The following TBX15 variants were observed in gnomAD, a reference collection of about 807,000 sequenced individuals.
TBX15 encodes the protein T-box transcription factor TBX15.
TBX15 carries 18 observed loss-of-function variants against 53.9 expected under a neutral mutation model. That is an observed-to-expected ratio of 0.33 (90% CI 0.23 to 0.49). The LOEUF is 0.49. TBX15 is among the 20% of genes least tolerant of loss of function. The probability of loss-of-function intolerance (pLI) is 0.98; values close to 1 mark genes in which losing one functional copy is unlikely to be tolerated. For missense variants in TBX15, 692 were observed against 749.5 expected, an observed-to-expected ratio of 0.92 and a Z score of 0.90; for synonymous variants, 295 against 278.0, an observed-to-expected ratio of 1.06 and a Z score of -0.61.
In TBX15 at chr1:118,898,964, C is replaced by A. The variant is rs535407478; in HGVS notation, c.1024+64G>T. ...GGCCTGAGGCCAGATGTGCTATATT[C>A]GGTTGAGCTCCCACTCTGTCCCTGG... On this transcript the variant is annotated intron_variant, in intron 7 of 7. Coordinates refer to ENST00000369429, the MANE Select transcript of TBX15 (RefSeq NM_001330677.2). The A allele has an allele frequency of 1.4e-4, 207 of 1,518,054 alleles. No individual in the cohort carries two copies. In the African/African-American group the frequency reaches 2.3e-3, roughly 17 times the overall value. The allele number at this position is 1,518,054 out of a possible 1,614,324, so 94.0% of individuals were successfully genotyped here.
chr1:118,988,514 G>A (rs1657923422), upstream of TBX15, among the ~76,000 whole-genome samples: 1 of 152,152 alleles, frequency 6.6e-6, no homozygotes. Context: ...TTAACCCCTG[G>A]CTTCCCGGTT....
chr1:118,954,838 T>C (rs1656628115), intron 1 of TBX15, among the ~76,000 whole-genome samples: 1 of 152,036 alleles, frequency 6.6e-6, no homozygotes, highest in Non-Finnish European at 1.5e-5. Context: ...GCATCTCAGC[T>C]GGAAGCACTG....
chr1:118,960,598 G>A (rs1656837552), intron 1 of TBX15, among the ~76,000 whole-genome samples: 1 of 152,160 alleles, frequency 6.6e-6, no homozygotes. Context: ...GACAATGAGA[G>A]GAATGGCTGC....
chr1:118,888,817 C>T (rs1252439682), intron 7 of TBX15, among the ~76,000 whole-genome samples: 8 of 151,810 alleles, frequency 5.3e-5, no homozygotes, highest in Non-Finnish European at 1.2e-4. Context: ...CAAGATGGAG[C>T]AGATGACTTC....
intron 7 of TBX15, among the ~76,000 whole-genome samples, chr1:118,893,363 A>G (rs1654241359): frequency 1.7e-5 from 1 of 59,762 alleles, no homozygotes; most frequent in African/African-American, 6.1e-5. Context: ...GAAGGAAAGA[A>G]AGAAAGAAAG....
intron 1 of TBX15, among the ~76,000 whole-genome samples, chr1:118,981,680 C>T (rs1292910841): frequency 6.6e-6 from 1 of 152,174 alleles, no homozygotes; most frequent in African/African-American, 2.4e-5. Context: ...TTCTTGAATT[C>T]CCCTTTTCCC....
rs1301552800 is a variant in TBX15, at chr1:118,917,277, T to C, written c.862-3098A>G. Among the ~76,000 whole-genome samples the C allele has an allele frequency of 8.5e-5, 13 of 152,068 alleles. No individual in the cohort carries two copies. In the East Asian group the frequency reaches 1.9e-3, roughly 22 times the overall value. On this transcript the variant is annotated intron_variant, in intron 5 of 7. Transcript: ENST00000369429. Reference sequence around the variant, plus strand: ...GATCATGTCCTTGGAAGGAACATGGTTGGAGCTGGAAGCCAATATCCTAAG... The same window carrying C: ...GATCATGTCCTTGGAAGGAACATGGCTGGAGCTGGAAGCCAATATCCTAAG...
At chr1:118,983,916 A>T (rs1300351692) in intron 1 of TBX15, among the ~76,000 whole-genome samples, 1 of 152,198 alleles carries the variant, frequency 6.6e-6, no homozygotes, top group Non-Finnish European at 1.5e-5. Context: ...TTCGTTACTT[A>T]AACGTCAGTA....
chr1:118,932,425 G>GT (rs1400409518), intron 1 of TBX15, among the ~76,000 whole-genome samples: 2 of 152,100 alleles, frequency 1.3e-5, no homozygotes, highest in Admixed American at 1.3e-4. Context: ...TGAGTAAATG[G>GT]TTTTTCCTAA....
chr1:118,892,374 T>C (rs1654175675), intron 7 of TBX15, among the ~76,000 whole-genome samples: 1 of 152,202 alleles, frequency 6.6e-6, no homozygotes, highest in African/African-American at 2.4e-5. Flanking sequence ...GTTTTCTTTT[T>C]TTAAGTTTTC....
Position 118,924,739 on chromosome 1 carries a change from A to C in TBX15, c.600T>G (p.Pro200=). ...AGGTGTCTCCAGAAGCTAGAGAATC[A>C]GGGTGTATATAAACTCTTGGGGGCA... ...SPVPPRVYIH[P]DSLASGDTWM... Residue 200 remains proline (P), a synonymous_variant, in exon 4 of 8, where the codon CCT becomes CCG. Coordinates refer to ENST00000369429, the MANE Select transcript of TBX15 (RefSeq NM_001330677.2). 6.2e-7 allele frequency: 1 copy of C among 1,614,128 alleles called. No homozygotes were observed. The highest frequency in any genetic ancestry group is 1.1e-5 in the South Asian group (1 of 91,080).
chr1:118,912,796 G>A (rs1195007189), intron 6 of TBX15, among the ~76,000 whole-genome samples: 6 of 152,144 alleles, frequency 3.9e-5, no homozygotes, highest in African/African-American at 1.4e-4. Context: ...AACAAAGAAT[G>A]ATCAAAAGGA....
At chr1:118,923,660 C>G in intron 4 of TBX15, 57 bp from the exon 5 acceptor site, 1 of 1,601,296 alleles carries the variant, frequency 6.2e-7, no homozygotes, top group Non-Finnish European at 8.6e-7. Flanking sequence ...ACATTTTGTT[C>G]TCATGCAAAA....
At chr1:118,965,519 G>A (rs535319641) in intron 1 of TBX15, among the ~76,000 whole-genome samples, 3 of 152,178 alleles carry the variant, frequency 2.0e-5, no homozygotes, top group African/African-American at 7.2e-5. Context: ...AGGGTAATCT[G>A]GAATAACCAT....
intron 3 of TBX15, among the ~76,000 whole-genome samples, chr1:118,925,830 G>T (rs975121633): frequency 1.5e-4 from 23 of 152,120 alleles, no homozygotes; most frequent in Non-Finnish European, 2.4e-4. Context: ...GGGCCAAGTT[G>T]TTAGACTTCA....
At chr1:118,940,849 G>T (rs1232108611) in intron 1 of TBX15, among the ~76,000 whole-genome samples, 2 of 151,704 alleles carry the variant, frequency 1.3e-5, no homozygotes, top group Non-Finnish European at 2.9e-5. Context: ...CCAACTTTTG[G>T]GTTAGAAAAT....
rs542572258 is a variant in TBX15, at chr1:118,984,631, C to G, written c.205+2960G>C. Among the ~76,000 whole-genome samples the G allele has an allele frequency of 2.5e-4, 38 of 152,348 alleles. No homozygotes were observed. The South Asian group carries it at 7.2e-3, about 29-fold the overall frequency. On this transcript the variant is annotated intron_variant, in intron 1 of 7. Transcript: ENST00000369429. ...AGCAGGCTCGAGAGCCAGGCTCCTC[C>G]GAGGCTGGTCTTGAGGCACTTCTCT...
intron 1 of TBX15, among the ~76,000 whole-genome samples, chr1:118,969,606 G>T (rs1657166479): frequency 6.6e-6 from 1 of 152,096 alleles, no homozygotes; most frequent in Non-Finnish European, 1.5e-5. Flanking sequence ...TTCTAAAGAG[G>T]ATACAGAATA....
In TBX15 at chr1:118,899,095, A is replaced by G. The variant is rs754797893; in HGVS notation, c.957T>C (p.Tyr319=). The change falls in exon 7 of 8, where the codon TAT becomes TAC. Residue 319 remains tyrosine (Y), a synonymous_variant. Coordinates refer to ENST00000369429, the MANE Select transcript of TBX15 (RefSeq NM_001330677.2). ...RTGLEAIMET[Y]AFWRPPVRTL... ...TGCGCACAGGAGGTCTCCAGAATGCATATGTCTCCATGATGGCTTCAAGTC... is the reference window on the plus strand; with the variant it reads ...TGCGCACAGGAGGTCTCCAGAATGCGTATGTCTCCATGATGGCTTCAAGTC... 5.6e-6 allele frequency: 9 copies of G among 1,613,546 alleles called. No homozygotes were observed. Among genetic ancestry groups the G allele is most frequent in the Non-Finnish European group, 7.6e-6 (9 of 1,179,716 alleles).
Sources: gnomAD v4.1 joint callset for allele counts (sites outside exome capture counted in the v4.1 genomes callset) on GRCh38, gnomAD v4.1.1 for gene constraint, MANE v1.5 for transcripts, NCBI Gene and HGNC (gene_info 2026-07-23, HGNC 2026-07-21) for gene names.